The following POFUT3 variants were observed in gnomAD, a reference collection of about 807,000 sequenced individuals.
POFUT3 encodes the protein GDP-fucose protein O-fucosyltransferase 3.
chr8:33,431,815 A>G, the POFUT3 span, among the ~76,000 whole-genome samples: 2 of 152,140 alleles, frequency 1.3e-5, no homozygotes, highest in African/African-American at 4.8e-5. Context: ...ATAACAAGAG[A>G]TAAAACCAAA....
the POFUT3 span, among the ~76,000 whole-genome samples, chr8:33,468,255 A>AAAAG: frequency 2.3e-5 from 3 of 131,286 alleles, no homozygotes; most frequent in East Asian, 6.3e-4. Flanking sequence ...AAAAAAAAAA[A>AAAAG]AAGAAGAAGA....
chr8:33,390,007 C>G, the POFUT3 span, among the ~76,000 whole-genome samples: 4 of 151,980 alleles, frequency 2.6e-5, no homozygotes, highest in Non-Finnish European at 5.9e-5. Context: ...CCAGCCTGGC[C>G]AACATGGTGA....
At chr8:33,375,624 G>T in the POFUT3 span, among the ~76,000 whole-genome samples, 1 of 152,192 alleles carries the variant, frequency 6.6e-6, no homozygotes, top group African/African-American at 2.4e-5. Flanking sequence ...GGGGGAAAAT[G>T]ATAGTGTACT....
the POFUT3 span, among the ~76,000 whole-genome samples, chr8:33,420,375 G>T: frequency 6.6e-6 from 1 of 152,136 alleles, no homozygotes; most frequent in South Asian, 2.1e-4. Flanking sequence ...AAATGACAAG[G>T]TTTAAAATTT....
At chr8:33,372,349 ACCAGTGT>A in the POFUT3 span, 1 of 1,302,394 alleles carries the variant, frequency 7.7e-7, no homozygotes, top group Non-Finnish European at 9.7e-7. Context: ...ATGGAAGATA[ACCAGTGT>A]CCATAAGAAA....
chr8:33,339,558 C>A, the POFUT3 span, among the ~76,000 whole-genome samples: 1 of 152,068 alleles, frequency 6.6e-6, no homozygotes, highest in Non-Finnish European at 1.5e-5. Context: ...TCACAAAAGA[C>A]AAAAACCTGT....
At chr8:33,465,007 T>G in the POFUT3 span, among the ~76,000 whole-genome samples, 2 of 152,174 alleles carry the variant, frequency 1.3e-5, no homozygotes, top group Non-Finnish European at 2.9e-5. Context: ...AGCTAGCACT[T>G]TGGGTCCCAA....
the POFUT3 span, among the ~76,000 whole-genome samples, chr8:33,335,499 T>G: frequency 6.6e-6 from 1 of 152,152 alleles, no homozygotes; most frequent in South Asian, 2.1e-4. Context: ...AGATATATGT[T>G]AGAACTTCAC....
At chr8:33,356,428 G>A in the POFUT3 span, among the ~76,000 whole-genome samples, 1 of 152,126 alleles carries the variant, frequency 6.6e-6, no homozygotes. Flanking sequence ...GCCAGTGATG[G>A]TGAGCATTTT....
chr8:33,450,703 G>A, the POFUT3 span, among the ~76,000 whole-genome samples: 2 of 152,184 alleles, frequency 1.3e-5, no homozygotes, highest in African/African-American at 4.8e-5. Context: ...GTCACTGATA[G>A]TTTTGGGCAC....
At chr8:33,404,525 A>T in the POFUT3 span, among the ~76,000 whole-genome samples, 1 of 152,168 alleles carries the variant, frequency 6.6e-6, no homozygotes, top group East Asian at 1.9e-4. Context: ...GTAAAAGGAC[A>T]TCTTCAGTAA....
chr8:33,429,995 CAAAA>C, the POFUT3 span, among the ~76,000 whole-genome samples: 8 of 124,760 alleles, frequency 6.4e-5, no homozygotes, highest in Admixed American at 1.7e-4. Context: ...GACTCCATCT[CAAAA>C]AAAAAAAAAA....
At chr8:33,332,443 C>A in the POFUT3 span, among the ~76,000 whole-genome samples, 2 of 150,240 alleles carry the variant, frequency 1.3e-5, no homozygotes, top group Non-Finnish European at 3.0e-5. Flanking sequence ...CAAGATCACC[C>A]CACTGCAGTC....
chr8:33,467,374 C>T, the POFUT3 span, among the ~76,000 whole-genome samples: 1 of 151,130 alleles, frequency 6.6e-6, no homozygotes, highest in African/African-American at 2.4e-5. Flanking sequence ...AAATTCCAGA[C>T]ACATACTGAA....
the POFUT3 span, among the ~76,000 whole-genome samples, chr8:33,446,365 G>A: frequency 1.3e-5 from 2 of 150,660 alleles, no homozygotes; most frequent in African/African-American, 4.9e-5. Context: ...GCTGAGGCAC[G>A]AGAATCTCTC....
At chr8:33,311,357 T>C in the POFUT3 span, among the ~76,000 whole-genome samples, 1 of 152,168 alleles carries the variant, frequency 6.6e-6, no homozygotes, top group Non-Finnish European at 1.5e-5. Context: ...TAGCATGTGG[T>C]AAAAACTCAA....
At chr8:33,423,537 TGGGATTACA>T in the POFUT3 span, among the ~76,000 whole-genome samples, 1 of 152,132 alleles carries the variant, frequency 6.6e-6, no homozygotes, top group Non-Finnish European at 1.5e-5. Flanking sequence ...CCCAAAGTGC[TGGGATTACA>T]GGTGTGAGCC....
the POFUT3 span, among the ~76,000 whole-genome samples, chr8:33,388,414 G>A: frequency 1.4e-5 from 2 of 138,012 alleles, no homozygotes; most frequent in African/African-American, 5.5e-5. Flanking sequence ...TCGGCTCACT[G>A]CAACCTCTGC....
the POFUT3 span, among the ~76,000 whole-genome samples, chr8:33,414,963 AG>A: frequency 6.6e-6 from 1 of 150,604 alleles, no homozygotes; most frequent in Non-Finnish European, 1.5e-5. Flanking sequence ...TGAACCATAA[AG>A]AAAAAAAAAA....
Sources: gnomAD v4.1 joint callset for allele counts (sites outside exome capture counted in the v4.1 genomes callset) on GRCh38, gnomAD v4.1.1 for gene constraint, MANE v1.5 for transcripts, NCBI Gene and HGNC (gene_info 2026-07-23, HGNC 2026-07-21) for gene names.